The following GPC5 variants were observed in gnomAD, a reference collection of about 807,000 sequenced individuals.
GPC5 encodes glypican 5, also known as glypican-5.
GPC5 carries 47 observed loss-of-function variants against 53.9 expected under a neutral mutation model. The observed-to-expected ratio is 0.87, with a 90% confidence interval of 0.69 to 1.11. GPC5 has a LOEUF of 1.11. Among genes scored for constraint, GPC5 ranks in the 50% most tolerant of loss-of-function variants. The pLI is 0.00. For synonymous variants in GPC5, 286 were observed against 263.3 expected (o/e 1.09, Z -0.84); for missense variants, 748 against 713.1 (o/e 1.05, Z -0.56).
chr13:92,220,215 T>G (rs190115912), intron 7 of GPC5, among the ~76,000 whole-genome samples: 19 of 152,276 alleles, frequency 1.2e-4, no homozygotes, highest in Admixed American at 1.1e-3. Flanking sequence ...AGCACCAGCC[T>G]CTAGTGTAGC....
intron 7 of GPC5, among the ~76,000 whole-genome samples, chr13:92,389,891 GA>G: frequency 6.6e-6 from 1 of 152,128 alleles, no homozygotes. Context: ...TAAAAAGTAT[GA>G]ACTACAAGTT....
At chr13:92,221,663 C>T (rs558145428) in intron 7 of GPC5, among the ~76,000 whole-genome samples, 1 of 152,212 alleles carries the variant, frequency 6.6e-6, no homozygotes, top group African/African-American at 2.4e-5. Flanking sequence ...CAGAATCAAA[C>T]CTTTTCTGCT....
At chr13:92,276,434 C>A (rs147578907) in intron 7 of GPC5, among the ~76,000 whole-genome samples, 1 of 151,902 alleles carries the variant, frequency 6.6e-6, no homozygotes. Flanking sequence ...TATTCTTTGA[C>A]GAGACTATTA....
intron 2 of GPC5, among the ~76,000 whole-genome samples, chr13:91,572,114 TATATATAC>T (rs2031912155): frequency 7.8e-6 from 1 of 128,206 alleles, no homozygotes. Flanking sequence ...TACACACATG[TATATATAC>T]GTGTGTATAT....
intron 6 of GPC5, among the ~76,000 whole-genome samples, chr13:92,054,266 C>A (rs749395569): frequency 1.3e-5 from 2 of 151,572 alleles, no homozygotes; most frequent in Non-Finnish European, 2.9e-5. Flanking sequence ...AGGACAAAGA[C>A]ATACTTTTGA....
At position 92,527,255 on chromosome 13, in the gene GPC5, GAAAGAAAGAA is replaced by G. The variant is rs1566277293; in HGVS notation, c.1562-339025_1562-339016del. ...AAAGAAAGAAAGAAAGAAAGAGAAAGAAAGAAAGAAAGAAAGAAAGAAAGAAAAAGATCAA... is the reference window on the plus strand; with the variant it reads ...AAAGAAAGAAAGAAAGAAAGAGAAAGAGAAAGAAAGAAAGAAAAAGATCAA... On this transcript the variant is annotated intron_variant, in intron 7 of 7. Transcript: ENST00000377067. Among the ~76,000 whole-genome samples, 42 of 78,314 alleles carry G rather than the reference GAAAGAAAGAA, an allele frequency of 5.4e-4. 2 individuals are homozygous for G. Among genetic ancestry groups the G allele is most frequent in the African/African-American group, 3.0e-3 (42 of 14,188 alleles). 51.4% of individuals were successfully genotyped at this position (78,314 alleles called of 152,430 possible).
intron 6 of GPC5, among the ~76,000 whole-genome samples, chr13:92,131,280 T>C (rs2041740881): frequency 1.3e-5 from 2 of 152,030 alleles, no homozygotes; most frequent in Admixed American, 6.6e-5. Context: ...TGGCGATATC[T>C]ACTAAAGTTA....
At chr13:92,664,737 T>C (rs1357033093) in intron 7 of GPC5, among the ~76,000 whole-genome samples, 1 of 152,176 alleles carries the variant, frequency 6.6e-6, no homozygotes, top group Non-Finnish European at 1.5e-5. Context: ...TGTGAGACTA[T>C]AATAGGTCCA....
At chr13:91,504,511 A>T (rs903510654) in intron 2 of GPC5, among the ~76,000 whole-genome samples, 2 of 152,180 alleles carry the variant, frequency 1.3e-5, no homozygotes, top group Non-Finnish European at 2.9e-5. Context: ...GAATATAGTT[A>T]GATATTAGCA....
At chr13:92,519,474 T>C (rs1644940456) in intron 7 of GPC5, among the ~76,000 whole-genome samples, 1 of 152,130 alleles carries the variant, frequency 6.6e-6, no homozygotes, top group African/African-American at 2.4e-5. Flanking sequence ...ATTAAGAAAC[T>C]CACTCAAAAC....
intron 5 of GPC5, among the ~76,000 whole-genome samples, chr13:91,797,595 T>C (rs1263357129): frequency 6.6e-6 from 1 of 152,212 alleles, no homozygotes; most frequent in Non-Finnish European, 1.5e-5. Flanking sequence ...ATTTAACATC[T>C]AATTTAGATA....
At chr13:92,479,022 G>A (rs374965156) in intron 7 of GPC5, among the ~76,000 whole-genome samples, 16 of 152,136 alleles carry the variant, frequency 1.1e-4, no homozygotes, top group African/African-American at 2.2e-4. Flanking sequence ...TAAGAATATC[G>A]TCATTAGGCA....
At position 91,653,790 on chromosome 13, in the gene GPC5, A is replaced by C. The variant is rs1481603768; in HGVS notation, c.326-39397A>C. 2.0e-5 allele frequency among the ~76,000 whole-genome samples: 3 copies of C among 152,284 alleles called. No homozygotes were observed. The East Asian group carries it at 5.8e-4, about 29-fold the overall frequency. ...ATCTTATATTAGACTTAGAATTTTT[A>C]ACAGCTTTCAGGCATAATTAACATA... On this transcript the variant is annotated intron_variant, in intron 2 of 7. Coordinates refer to ENST00000377067, the MANE Select transcript of GPC5 (RefSeq NM_004466.6).
At chr13:92,380,536 A>T (rs550544509) in intron 7 of GPC5, among the ~76,000 whole-genome samples, 168 of 152,148 alleles carry the variant, frequency 1.1e-3, no homozygotes, top group Middle Eastern at 3.4e-3. Flanking sequence ...AACCAACCCA[A>T]ATGTCCAACA....
intron 7 of GPC5, among the ~76,000 whole-genome samples, chr13:92,403,238 T>C (rs1875638276): frequency 6.6e-6 from 1 of 152,230 alleles, no homozygotes; most frequent in Non-Finnish European, 1.5e-5. Flanking sequence ...CTACATGAAC[T>C]ACCTTAAAGC....
At chr13:91,662,594 G>C (rs1040232216) in intron 2 of GPC5, among the ~76,000 whole-genome samples, 3 of 152,090 alleles carry the variant, frequency 2.0e-5, no homozygotes, top group African/African-American at 4.8e-5. Context: ...CGAACATTTA[G>C]ATATCTAATC....
chr13:92,650,374 T>C (rs1885915167), intron 7 of GPC5, among the ~76,000 whole-genome samples: 1 of 152,196 alleles, frequency 6.6e-6, no homozygotes. Context: ...GAAATGTCTC[T>C]GTTTTCAGTG....
At chr13:92,493,773 G>C (rs575681310) in intron 7 of GPC5, among the ~76,000 whole-genome samples, 29 of 152,150 alleles carry the variant, frequency 1.9e-4, no homozygotes, top group Non-Finnish European at 4.0e-4. Flanking sequence ...TCCAGACGTA[G>C]CGCTAGCAAT....
chr13:92,659,234 T>C (rs2139181800), intron 7 of GPC5: 1 of 152,276 alleles, frequency 6.6e-6, no homozygotes, highest in African/African-American at 2.4e-5. Context: ...GGCCTTATGT[T>C]TTCTTTAGAG....
Sources: gnomAD v4.1 joint callset for allele counts (sites outside exome capture counted in the v4.1 genomes callset) on GRCh38, gnomAD v4.1.1 for gene constraint, MANE v1.5 for transcripts, NCBI Gene and HGNC (gene_info 2026-07-23, HGNC 2026-07-21) for gene names.